The following ARHGEF10 variants were observed in gnomAD, a reference collection of about 807,000 sequenced individuals.
ARHGEF10 encodes Rho guanine nucleotide exchange factor (GEF) 10.
ARHGEF10 carries 140 observed loss-of-function variants against 147.4 expected under a neutral mutation model. The ratio of observed to expected loss-of-function variants is 0.95; its 90% CI spans 0.83 to 1.09. ARHGEF10 has a LOEUF of 1.09. ARHGEF10 is among the 50% of genes least tolerant of loss of function. The pLI, the probability that ARHGEF10 is intolerant of heterozygous loss-of-function variation, is 0.00. For synonymous variants in ARHGEF10, 902 were observed against 695.8 expected, an observed-to-expected ratio of 1.30 and a Z score of -4.67; for missense variants, 2,222 against 1,752.7, an observed-to-expected ratio of 1.27 and a Z score of -4.78.
rs998687906 is a variant in ARHGEF10, at chr8:1,937,728, T to C, written c.3222+3786T>C. 1.3e-5 allele frequency among the ~76,000 whole-genome samples: 2 copies of C among 152,224 alleles called. No individual in the cohort carries two copies. The highest frequency in any genetic ancestry group is 4.8e-5 in the African/African-American group (2 of 41,470). ...AGCCCTGGGTATGTGTCCGCCTTGC[T>C]GACAGCGAGGGCAGCAGCTGCGGGG... On this transcript the variant is annotated intron_variant, in intron 26 of 28. Transcript: ENST00000349830. The surrounding 1 kb of genome is among the most constrained non-coding windows in gnomAD (Gnocchi z 4.9).
intron 1 of ARHGEF10, among the ~76,000 whole-genome samples, chr8:1,831,034 TGAA>T (rs1220534962): frequency 6.6e-6 from 1 of 151,956 alleles, no homozygotes; most frequent in East Asian, 1.9e-4. Flanking sequence ...AGGGGACTGG[TGAA>T]TGCCAGGGCA....
intron 6 of ARHGEF10, among the ~76,000 whole-genome samples, chr8:1,867,202 G>T (rs1806700409): frequency 6.6e-6 from 1 of 152,118 alleles, no homozygotes; most frequent in Non-Finnish European, 1.5e-5. Context: ...AATAAGTTCT[G>T]TAGCGTATTT....
intron 5 of ARHGEF10, 69 bp downstream of exon 5, chr8:1,864,505 C>G: frequency 6.6e-7 from 1 of 1,504,366 alleles, no homozygotes; most frequent in Non-Finnish European, 9.3e-7. Flanking sequence ...ACGTGGGGAT[C>G]CTGGTGTGTG....
chr8:1,939,563 C>A (rs1324344388), intron 26 of ARHGEF10, among the ~76,000 whole-genome samples: 1 of 152,238 alleles, frequency 6.6e-6, no homozygotes, highest in African/African-American at 2.4e-5. Flanking sequence ...AGCAAAGCGT[C>A]AAGCCAAGCA....
At chr8:1,824,780 C>G (rs1189513573) in intron 1 of ARHGEF10, among the ~76,000 whole-genome samples, 1 of 76,474 alleles carries the variant, frequency 1.3e-5, no homozygotes, top group Non-Finnish European at 2.5e-5. Context: ...TTATTCTGCA[C>G]CCCACCTGTC....
At chr8:1,837,891 G>T (rs1248481748) in intron 1 of ARHGEF10, among the ~76,000 whole-genome samples, 1 of 152,192 alleles carries the variant, frequency 6.6e-6, no homozygotes, top group African/African-American at 2.4e-5. Flanking sequence ...AGTCAAGGTG[G>T]TGAGGACTCG....
chr8:1,950,898 C>G (rs995534084), intron 27 of ARHGEF10, among the ~76,000 whole-genome samples: 14 of 152,024 alleles, frequency 9.2e-5, no homozygotes, highest in African/African-American at 2.9e-4. Context: ...TTATTAAATG[C>G]AAGCTTTGGC....
intron 16 of ARHGEF10, chr8:1,903,790 G>A: frequency 5.4e-6 from 2 of 368,548 alleles, no homozygotes; most frequent in South Asian, 4.8e-5. Flanking sequence ...GATAGTAATA[G>A]TTAAAGCTGA....
chr8:1,874,647 C>G (rs939908562), intron 7 of ARHGEF10, among the ~76,000 whole-genome samples: 34 of 148,328 alleles, frequency 2.3e-4, no homozygotes, highest in East Asian at 8.1e-4. Flanking sequence ...AGGAACAGTG[C>G]AGACACACAC....
intron 17 of ARHGEF10, among the ~76,000 whole-genome samples, chr8:1,906,522 T>G (rs1219660229): frequency 6.6e-6 from 1 of 152,208 alleles, no homozygotes; most frequent in African/African-American, 2.4e-5. Flanking sequence ...GCCCTATTTT[T>G]CATGCCCGTC....
At chr8:1,843,648 C>G (rs1000481822) in intron 2 of ARHGEF10, among the ~76,000 whole-genome samples, 4 of 152,236 alleles carry the variant, frequency 2.6e-5, no homozygotes, top group African/African-American at 9.6e-5. Flanking sequence ...TTGCGTTCCT[C>G]ACAGGTGCTG....
rs1397942725 is a variant in ARHGEF10, at chr8:1,958,100, G to C, written c.*837G>C. On this transcript the variant is annotated 3_prime_UTR_variant, in exon 29 of 29. Coordinates refer to ENST00000349830, the MANE Select transcript of ARHGEF10 (RefSeq NM_014629.4). The stretch of plus-strand genomic sequence containing the variant: ...GCTTTAGTATTAGAGGAGATAGGCA[G>C]AGAAGTCTTGCTTAGTTCCTTCGTG... 1 of 152,274 alleles carries C rather than the reference G, an allele frequency of 6.6e-6. No homozygotes were observed. The highest frequency in any genetic ancestry group is 2.4e-5 in the African/African-American group (1 of 41,468). 9.4% of individuals were successfully genotyped at this position (152,274 alleles called of 1,614,324 possible). A position where few individuals can be genotyped will look rare whatever the true frequency, so the allele number is the denominator to read the frequency against.
intron 2 of ARHGEF10, among the ~76,000 whole-genome samples, chr8:1,846,324 A>G (rs1804561013): frequency 6.6e-6 from 1 of 152,230 alleles, no homozygotes; most frequent in African/African-American, 2.4e-5. Flanking sequence ...AACTTTTACG[A>G]CAAATAGAAA....
At chr8:1,933,213 G>C (rs566359361) in intron 25 of ARHGEF10, among the ~76,000 whole-genome samples, 1 of 152,298 alleles carries the variant, frequency 6.6e-6, no homozygotes, top group Non-Finnish European at 1.5e-5. Context: ...AAAGTATTCT[G>C]TGAAGATATG....
intron 1 of ARHGEF10, among the ~76,000 whole-genome samples, chr8:1,835,277 C>T (rs1314528590): frequency 6.6e-6 from 1 of 152,212 alleles, no homozygotes; most frequent in African/African-American, 2.4e-5. Context: ...CGGGGCACTT[C>T]ACAGGCACAG....
At chr8:1,954,783 C>G (rs572276293) in intron 28 of ARHGEF10, among the ~76,000 whole-genome samples, 2 of 152,232 alleles carry the variant, frequency 1.3e-5, no homozygotes, top group East Asian at 3.9e-4. Flanking sequence ...TTCACCTTTC[C>G]GGCTTTTGCA....
At chr8:1,954,441 A>G (rs1349460584) in intron 28 of ARHGEF10, among the ~76,000 whole-genome samples, 1 of 151,502 alleles carries the variant, frequency 6.6e-6, no homozygotes, top group Admixed American at 6.6e-5. Flanking sequence ...GGGATGCTCA[A>G]CCGGCAAGTG....
chr8:1,841,983 G>A (rs1804111181), intron 1 of ARHGEF10, among the ~76,000 whole-genome samples: 1 of 71,634 alleles, frequency 1.4e-5, no homozygotes. Context: ...GGCCGCGGCG[G>A]GAACTGGGGC....
rs1250660059 is a variant in ARHGEF10, at chr8:1,841,882, G to A, written c.-47-1471G>A. On this transcript the variant is annotated intron_variant, in intron 1 of 28. Coordinates refer to ENST00000349830, the MANE Select transcript of ARHGEF10 (RefSeq NM_014629.4). ...GGAACTGGGGCCGCGGCGGGAACTGGGGCCGCGGCGGGAACTGGGGCCGCG... is the reference window on the plus strand; with the variant it reads ...GGAACTGGGGCCGCGGCGGGAACTGAGGCCGCGGCGGGAACTGGGGCCGCG... Among the ~76,000 whole-genome samples the A allele has an allele frequency of 6.7e-4, 75 of 112,662 alleles. 1 individual carries two copies. The highest frequency in any genetic ancestry group is 2.2e-3 in the African/African-American group (63 of 29,216). The allele number at this position is 112,662 out of a possible 152,430, so 73.9% of individuals were successfully genotyped here. A position where few individuals can be genotyped will look rare whatever the true frequency, so the allele number is the denominator to read the frequency against.
Sources: gnomAD v4.1 joint callset for allele counts (sites outside exome capture counted in the v4.1 genomes callset) on GRCh38, gnomAD v4.1.1 for gene constraint, Gnocchi (gnomAD v3.1) non-coding constraint, MANE v1.5 for transcripts, NCBI Gene and HGNC (gene_info 2026-07-23, HGNC 2026-07-21) for gene names.